The following RXRA variants were observed in gnomAD, a reference collection of about 807,000 sequenced individuals.
RXRA encodes the protein retinoic acid receptor RXR-alpha.
A neutral mutation model predicts 44.5 loss-of-function variants in RXRA; 5 were observed. That is an observed-to-expected ratio of 0.11 (90% CI 0.06 to 0.24). The LOEUF is 0.24. RXRA is among the 10% of genes least tolerant of loss of function. The pLI is 1.00. For synonymous variants in RXRA, 291 were observed against 271.4 expected (o/e 1.07, Z -0.71); for missense variants, 412 against 646.5 (o/e 0.64, Z 3.93).
In RXRA at chr9:134,408,184, G is replaced by A. The variant is rs1328915207; in HGVS notation, c.315G>A (p.Glu105=). 18 of 1,597,186 alleles carry A rather than the reference G, an allele frequency of 1.1e-5. No individual in the cohort carries two copies. Among genetic ancestry groups the A allele is most frequent in the Non-Finnish European group, 1.4e-5 (16 of 1,172,058 alleles). ...SSPMNPVSSS[E]DIKPPLGLNG... Reference sequence around the variant, plus strand: ...CTATGAACCCCGTCAGCAGCAGCGAGGACATCAAGCCCCCCCTGGGCCTCA... The same window carrying A: ...CTATGAACCCCGTCAGCAGCAGCGAAGACATCAAGCCCCCCCTGGGCCTCA... The change falls in exon 3 of 10, where the codon GAG becomes GAA. Residue 105 remains glutamate, a synonymous_variant. Coordinates refer to ENST00000481739, the MANE Select transcript of RXRA (RefSeq NM_002957.6).
rs947086979 is a variant in RXRA at position 134,436,780 on chromosome 9, T to C, written c.*166T>C. On this transcript the variant is annotated 3_prime_UTR_variant, in exon 10 of 10. Transcript: ENST00000481739. Reference sequence around the variant, plus strand: ...CTAAGAGATGTGTTGTCACCCTCCTTATTTCTGTTACTACTTGTCTGTGGC... The same window carrying C: ...CTAAGAGATGTGTTGTCACCCTCCTCATTTCTGTTACTACTTGTCTGTGGC... 6.9e-6 allele frequency: 5 copies of C among 728,946 alleles called. No individual in the cohort carries two copies. The African/African-American group carries it at 7.1e-5, about 10-fold the overall frequency. The allele number at this position is 728,946 out of a possible 1,614,324, so 45.2% of individuals were successfully genotyped here. A position where few individuals can be genotyped will look rare whatever the true frequency, so the allele number is the denominator to read the frequency against.
chr9:134,389,904 G>A (rs991624914), intron 1 of RXRA, among the ~76,000 whole-genome samples: 6 of 152,204 alleles, frequency 3.9e-5, no homozygotes, highest in Non-Finnish European at 7.4e-5. Context: ...TTGGGGCTGG[G>A]CACCGAGGAG....
intron 1 of RXRA, among the ~76,000 whole-genome samples, chr9:134,328,290 A>G (rs570961958): frequency 5.9e-5 from 9 of 152,284 alleles, no homozygotes; most frequent in Admixed American, 5.9e-4. Flanking sequence ...AGTACTGAGA[A>G]CCGAACAGGT....
intron 1 of RXRA, among the ~76,000 whole-genome samples, chr9:134,400,137 C>T (rs1830936395): frequency 6.6e-6 from 1 of 152,166 alleles, no homozygotes; most frequent in African/African-American, 2.4e-5. Context: ...GTGGTGGTGG[C>T]ATCCTAAAGC....
intron 1 of RXRA, among the ~76,000 whole-genome samples, chr9:134,359,836 TC>T (rs1026896882): frequency 7.2e-5 from 11 of 152,028 alleles, no homozygotes; most frequent in African/African-American, 2.7e-4. Context: ...CCAGCCCGTT[TC>T]CCCCAGGGGC....
At chr9:134,377,069 T>C (rs62576344) in intron 1 of RXRA, among the ~76,000 whole-genome samples, 113,754 of 152,210 alleles carry the variant, frequency 0.75, 42,661 homozygotes, top group East Asian at 0.81. Flanking sequence ...GGGCCGACCC[T>C]GTGAGGGGCT....
chr9:134,330,003 G>A (rs374999982), intron 1 of RXRA, among the ~76,000 whole-genome samples: 7 of 152,198 alleles, frequency 4.6e-5, no homozygotes, highest in Non-Finnish European at 7.4e-5. Context: ...GTGTGGGGGC[G>A]GGGTGAAAGC....
At chr9:134,422,643 G>A (rs1368174644) in intron 6 of RXRA, 2 of 972,678 alleles carry the variant, frequency 2.1e-6, no homozygotes, top group Admixed American at 6.4e-5. Context: ...CCTCTCCCCG[G>A]ACACTCCCCA....
chr9:134,372,649 AC>A (rs1413505341), intron 1 of RXRA, among the ~76,000 whole-genome samples: 4 of 152,168 alleles, frequency 2.6e-5, no homozygotes, highest in Non-Finnish European at 5.9e-5. Context: ...AGAGAGGCCC[AC>A]TGACCCGCCT....
chr9:134,371,059 C>T lies in RXRA; in HGVS notation c.29-30573C>T, dbSNP rs548070543. Among the ~76,000 whole-genome samples, 44 of 152,254 alleles carry T rather than the reference C, an allele frequency of 2.9e-4. 1 individual carries two copies. The East Asian group carries it at 8.3e-3, about 29-fold the overall frequency. Reference sequence around the variant, plus strand: ...GACAGTGTGGGGGGCCCTGGGCTGGCAGGTGGGTCACCCTCGCTCTGGGAC... The same window carrying T: ...GACAGTGTGGGGGGCCCTGGGCTGGTAGGTGGGTCACCCTCGCTCTGGGAC... On this transcript the variant is annotated intron_variant, in intron 1 of 9. Transcript: ENST00000481739.
chr9:134,346,275 G>A (rs1554748798), intron 1 of RXRA, among the ~76,000 whole-genome samples: 3 of 152,160 alleles, frequency 2.0e-5, no homozygotes, highest in Non-Finnish European at 1.5e-5. Flanking sequence ...CCCTCCCGCG[G>A]CTTGCTGGGG....
intron 2 of RXRA, chr9:134,405,652 GA>G (rs1188971676): frequency 6.6e-6 from 1 of 152,418 alleles, no homozygotes; most frequent in African/African-American, 2.4e-5. Flanking sequence ...GGACAGCCTA[GA>G]AAGAGGAAGT....
chr9:134,334,811 G>C (rs1316553005), intron 1 of RXRA, among the ~76,000 whole-genome samples: 1 of 152,244 alleles, frequency 6.6e-6, no homozygotes, highest in Admixed American at 6.5e-5. Flanking sequence ...ACTTGGGCTG[G>C]GGTAGGGCCT....
chr9:134,395,996 G>A lies in RXRA; in HGVS notation c.29-5636G>A, dbSNP rs569268627. ...GGCCCGAGTCTTTGCCTGCCCCTGC[G>A]GGGAGGCGGGAAACAGATGTGCAGC... On this transcript the variant is annotated intron_variant, in intron 1 of 9. Coordinates refer to ENST00000481739, the MANE Select transcript of RXRA (RefSeq NM_002957.6). 7.9e-5 allele frequency among the ~76,000 whole-genome samples: 12 copies of A among 152,274 alleles called. No individual in the cohort carries two copies. In the East Asian group the frequency reaches 1.9e-3, roughly 25 times the overall value.
chr9:134,430,865 T>G (rs1052717364), intron 7 of RXRA, among the ~76,000 whole-genome samples: 6 of 152,212 alleles, frequency 3.9e-5, no homozygotes, highest in Non-Finnish European at 7.3e-5. Flanking sequence ...TTCCTCGCCT[T>G]TTTTGCGAGT....
intron 4 of RXRA, among the ~76,000 whole-genome samples, chr9:134,414,162 C>T (rs1831196152): frequency 6.6e-6 from 1 of 152,254 alleles, no homozygotes; most frequent in Admixed American, 6.5e-5. Context: ...AGCTGCCAGG[C>T]CCTTCACAGC....
chr9:134,385,432 A>G (rs1283509641), intron 1 of RXRA, among the ~76,000 whole-genome samples: 1 of 152,164 alleles, frequency 6.6e-6, no homozygotes, highest in Non-Finnish European at 1.5e-5. Flanking sequence ...CCTCACCAGT[A>G]TCCGAGGCTC....
chr9:134,430,048 G>T (rs1253555749), intron 7 of RXRA, among the ~76,000 whole-genome samples: 1 of 152,186 alleles, frequency 6.6e-6, no homozygotes, highest in East Asian at 1.9e-4. Context: ...ACCACGCCCG[G>T]CTATTTTTTT....
intron 1 of RXRA, among the ~76,000 whole-genome samples, chr9:134,371,482 A>G (rs1564273790): frequency 6.6e-6 from 1 of 152,164 alleles, no homozygotes; most frequent in Non-Finnish European, 1.5e-5. Flanking sequence ...CTTCTCCTCA[A>G]ATGCTGATGG....
Sources: allele counts gnomAD v4.1 joint callset (sites outside exome capture counted in the v4.1 genomes callset), GRCh38; gene constraint gnomAD v4.1.1; transcripts MANE v1.5; gene names NCBI Gene and HGNC (gene_info 2026-07-23, HGNC 2026-07-21).